Variants in CDKAL1 observed in about 807,000 individuals in gnomAD.
The protein encoded by CDKAL1 is threonylcarbamoyladenosine tRNA methylthiotransferase.
CDKAL1 carries 32 observed loss-of-function variants against 68.2 expected under a neutral mutation model. The ratio of observed to expected loss-of-function variants is 0.47; its 90% CI spans 0.35 to 0.63. The LOEUF is 0.63. CDKAL1 is among the 30% of genes least tolerant of loss of function. The probability of loss-of-function intolerance (pLI) is 0.00; values close to 1 mark genes in which losing one functional copy is unlikely to be tolerated. For missense variants in CDKAL1, 606 were observed against 696.7 expected (o/e 0.87, Z 1.47); for synonymous variants, 234 against 244.3 (o/e 0.96, Z 0.39).
chr6:21,145,723 G>A (rs1023175934), intron 13 of CDKAL1, among the ~76,000 whole-genome samples: 22 of 152,310 alleles, frequency 1.4e-4, no homozygotes, highest in Admixed American at 1.3e-3. Context: ...TAACGTAGCA[G>A]GATCCCATCT....
chr6:21,109,577 T>C (rs980126073), intron 13 of CDKAL1, among the ~76,000 whole-genome samples: 13 of 152,238 alleles, frequency 8.5e-5, no homozygotes, highest in Admixed American at 7.8e-4. Flanking sequence ...CTAAAACTTA[T>C]ATCATTCCAA....
intron 8 of CDKAL1, among the ~76,000 whole-genome samples, chr6:20,791,927 C>G (rs1775914170): frequency 6.6e-6 from 1 of 151,714 alleles, no homozygotes; most frequent in African/African-American, 2.4e-5. Context: ...GAGCCACCAT[C>G]TGTCAGCTTT....
intron 13 of CDKAL1, among the ~76,000 whole-genome samples, chr6:21,146,418 T>G (rs920655472): frequency 6.6e-6 from 1 of 152,100 alleles, no homozygotes; most frequent in African/African-American, 2.4e-5. Flanking sequence ...TAATCTATCC[T>G]TCAAATTCAG....
intron 2 of CDKAL1, among the ~76,000 whole-genome samples, chr6:20,543,506 C>T (rs951387066): frequency 6.6e-6 from 1 of 152,092 alleles, no homozygotes. Context: ...ATGTGGTTTG[C>T]AAATATTTTC....
At chr6:20,667,035 A>C (rs145792731) in intron 5 of CDKAL1, among the ~76,000 whole-genome samples, 1 of 152,246 alleles carries the variant, frequency 6.6e-6, no homozygotes, top group Non-Finnish European at 1.5e-5. Context: ...TTAAATATGT[A>C]TGGTGTGTCT....
At chr6:20,654,949 T>C (rs2127765501) in intron 5 of CDKAL1, among the ~76,000 whole-genome samples, 1 of 152,334 alleles carries the variant, frequency 6.6e-6, no homozygotes, top group East Asian at 1.9e-4. Flanking sequence ...CAAGGAATAC[T>C]GTTGTGTGTT....
chr6:20,587,206 C>T (rs562294261), intron 4 of CDKAL1, among the ~76,000 whole-genome samples: 6 of 151,922 alleles, frequency 3.9e-5, no homozygotes, highest in Non-Finnish European at 7.4e-5. Flanking sequence ...AAGCTGATCT[C>T]GAACTCCTGA....
At chr6:20,643,796 G>A (rs994927460) in intron 4 of CDKAL1, among the ~76,000 whole-genome samples, 2 of 152,032 alleles carry the variant, frequency 1.3e-5, no homozygotes. Context: ...TGAATTCTTA[G>A]CATTTGACAT....
intron 12 of CDKAL1, among the ~76,000 whole-genome samples, chr6:21,107,187 T>A (rs746377507): frequency 2.6e-5 from 4 of 152,070 alleles, no homozygotes; most frequent in African/African-American, 4.8e-5. Context: ...GACCTTGTGA[T>A]CCGCCCACTT....
At chr6:21,072,762 A>T (rs1048340578) in intron 12 of CDKAL1, among the ~76,000 whole-genome samples, 8 of 150,248 alleles carry the variant, frequency 5.3e-5, no homozygotes, top group Non-Finnish European at 8.8e-5. Flanking sequence ...GAGTTGCTAT[A>T]TGTTTCCTGC....
chr6:20,898,498 C>T (rs1316107695), intron 9 of CDKAL1, among the ~76,000 whole-genome samples: 1 of 150,468 alleles, frequency 6.6e-6, no homozygotes, highest in Non-Finnish European at 1.5e-5. Flanking sequence ...TCCCTGGGTT[C>T]TTGTCAAGAA....
chr6:20,540,928 C>T (rs1763365526), intron 2 of CDKAL1, among the ~76,000 whole-genome samples: 1 of 152,132 alleles, frequency 6.6e-6, no homozygotes, highest in African/African-American at 2.4e-5. Flanking sequence ...CTAGGGAGTG[C>T]CTGAAACTAG....
At chr6:21,065,676 C>CTTTT (rs200076110) in intron 12 of CDKAL1, among the ~76,000 whole-genome samples, 3,230 of 133,154 alleles carry the variant, frequency 0.024, 154 homozygotes, top group African/African-American at 0.083. Context: ...ATCTTTCTAC[C>CTTTT]TTTTTTTTTT....
intron 6 of CDKAL1, among the ~76,000 whole-genome samples, chr6:20,752,570 TAA>T (rs967027309): frequency 2.4e-4 from 37 of 152,110 alleles, no homozygotes; most frequent in Non-Finnish European, 2.4e-4. Flanking sequence ...GTTGCAAAAA[TAA>T]AGAGTTCCTA....
chr6:20,684,659 G>A (rs1237911473), intron 5 of CDKAL1, among the ~76,000 whole-genome samples: 1 of 152,192 alleles, frequency 6.6e-6, no homozygotes, highest in Non-Finnish European at 1.5e-5. Flanking sequence ...AGTTCCTGTT[G>A]CTCCGCATCC....
At chr6:21,140,423 T>C (rs1345169413) in intron 13 of CDKAL1, among the ~76,000 whole-genome samples, 1 of 152,202 alleles carries the variant, frequency 6.6e-6, no homozygotes, top group Non-Finnish European at 1.5e-5. Context: ...ACGTGCCTGA[T>C]GTCCTCCCCA....
chr6:20,635,210 T>G (rs1202661379), intron 4 of CDKAL1, among the ~76,000 whole-genome samples: 1 of 152,096 alleles, frequency 6.6e-6, no homozygotes, highest in Non-Finnish European at 1.5e-5. Flanking sequence ...TCTGGACAAT[T>G]GGAGGCACTG....
At chr6:21,093,687 G>C (rs975980435) in intron 12 of CDKAL1, among the ~76,000 whole-genome samples, 3 of 139,644 alleles carry the variant, frequency 2.1e-5, no homozygotes, top group Non-Finnish European at 4.6e-5. Flanking sequence ...CTGAGCTGCT[G>C]CTGCTGCTTT....
intron 4 of CDKAL1, among the ~76,000 whole-genome samples, chr6:20,555,864 C>T (rs1293484035): frequency 2.0e-5 from 3 of 146,558 alleles, no homozygotes; most frequent in East Asian, 2.1e-4. Flanking sequence ...CCTCGTGATC[C>T]GCCCGCCTCG....
Sources: allele counts gnomAD v4.1 joint callset (sites outside exome capture counted in the v4.1 genomes callset), GRCh38; gene constraint gnomAD v4.1.1; transcripts MANE v1.5; gene names NCBI Gene and HGNC (gene_info 2026-07-23, HGNC 2026-07-21).